ATIC: variants seen among roughly 807,000 people sequenced by gnomAD.
ATIC encodes the protein bifunctional purine biosynthesis protein ATIC.
In ATIC, 64 loss-of-function variants were observed where a neutral mutation model predicts 72.5. That is an observed-to-expected ratio of 0.88 (90% CI 0.72 to 1.09). ATIC has a LOEUF of 1.09. ATIC is among the 50% of genes least tolerant of loss of function. The pLI is 0.00. For missense variants in ATIC, 787 were observed against 732.4 expected (o/e 1.07, Z -0.86); for synonymous variants, 281 against 267.1 (o/e 1.05, Z -0.51).
chr2:215,358,401 G>T, the ATIC span, among the ~76,000 whole-genome samples: 1 of 151,724 alleles, frequency 6.6e-6, no homozygotes, highest in South Asian at 2.1e-4. Context: ...AACAATTCTC[G>T]GGGGAAGCAA....
chr2:215,337,084 CTT>C lies in ATIC; in HGVS notation c.1098+974_1098+975del, dbSNP rs11285874. Among the ~76,000 whole-genome samples the C allele has an allele frequency of 9.8e-3, 1,356 of 138,532 alleles. 18 individuals are homozygous for C. Among genetic ancestry groups the C allele is most frequent in the African/African-American group, 0.026 (986 of 37,856 alleles). The allele number at this position is 138,532 out of a possible 152,430, so 90.9% of individuals were successfully genotyped here. On this transcript the variant is annotated intron_variant, in intron 11 of 15. Coordinates refer to ENST00000236959, the MANE Select transcript of ATIC (RefSeq NM_004044.7). ...GATTTTTCTACTAAGTTGTTGTTGG[CTT>C]TTTTTTTTTTTTTAACTGATTTTTA...
chr2:215,315,293 A>C (rs1301502697), intron 2 of ATIC, among the ~76,000 whole-genome samples: 3 of 152,216 alleles, frequency 2.0e-5, no homozygotes, highest in Non-Finnish European at 4.4e-5. Context: ...CCTGGGGAAG[A>C]GAAATTCTCA....
intron 10 of ATIC, 55 bp downstream of exon 10, chr2:215,335,059 C>A: frequency 3.8e-6 from 5 of 1,301,948 alleles, no homozygotes; most frequent in South Asian, 3.7e-5. Flanking sequence ...TTTATTTGTT[C>A]ATAATGTTAA....
rs1472727035 is a variant in ATIC, at chr2:215,334,839, A to G, written c.923-80A>G. The G allele has an allele frequency of 4.4e-6, 5 of 1,143,902 alleles. No homozygotes were observed. The African/African-American group carries it at 6.1e-5, about 14-fold the overall frequency. 70.9% of individuals were successfully genotyped at this position (1,143,902 alleles called of 1,614,324 possible). A position where few individuals can be genotyped will look rare whatever the true frequency, so the allele number is the denominator to read the frequency against. ...GATTAGCTTTAGAGTAATGAATTTTATATGACAGTGGAGAATTTTATTACT... is the reference window on the plus strand; with the variant it reads ...GATTAGCTTTAGAGTAATGAATTTTGTATGACAGTGGAGAATTTTATTACT... On this transcript the variant is annotated intron_variant, in intron 9 of 15. Coordinates refer to ENST00000236959, the MANE Select transcript of ATIC (RefSeq NM_004044.7).
chr2:215,315,147 C>T (rs1203669019), intron 2 of ATIC, among the ~76,000 whole-genome samples: 1 of 152,148 alleles, frequency 6.6e-6, no homozygotes, highest in Non-Finnish European at 1.5e-5. Flanking sequence ...GATCTCCTGA[C>T]CTACTAATGG....
In ATIC at chr2:215,312,505, T is replaced by C. The variant is rs374408961; in HGVS notation, c.27T>C (p.Phe9=). 1 of 1,614,066 alleles carries C rather than the reference T, an allele frequency of 6.2e-7. No homozygotes were observed. The highest frequency in any genetic ancestry group is 1.3e-5 in the African/African-American group (1 of 74,940). Residue 9 remains phenylalanine (F), a synonymous_variant, in exon 2 of 16, where the codon TTT becomes TTC. Coordinates refer to ENST00000236959, the MANE Select transcript of ATIC (RefSeq NM_004044.7). ...AAATGTCTTCTCTTTCAGCCTTATT[T>C]AGTGTCTCTGACAAAACCGGCCTTG... MAPGQLAL[F]SVSDKTGLVE... is the part of the protein sequence containing the mutation.
At chr2:215,344,154 T>G (rs1019608837) in intron 12 of ATIC, among the ~76,000 whole-genome samples, 10 of 152,202 alleles carry the variant, frequency 6.6e-5, no homozygotes, top group African/African-American at 2.4e-4. Context: ...AAGAAAATAT[T>G]GTTTGTCAGT....
intron 2 of ATIC, among the ~76,000 whole-genome samples, chr2:215,316,912 C>G (rs1401026977): frequency 6.6e-6 from 1 of 151,884 alleles, no homozygotes; most frequent in Non-Finnish European, 1.5e-5. Context: ...ATAGGCATGC[C>G]CCACCATGCC....
Position 215,349,744 on chromosome 2 carries a change from CAG to C in ATIC, c.*90_*91del, listed in dbSNP as rs1231825276. 10 of 1,601,368 alleles carry C rather than the reference CAG, an allele frequency of 6.2e-6. No individual in the cohort carries two copies. In the African/African-American group the frequency reaches 8.0e-5, roughly 13 times the overall value. ...AGGATAACTTTTTAAAAAAATAAAACAGTATCTCTTAATCACTGGATCCATAG... is the reference window on the plus strand; with the variant it reads ...AGGATAACTTTTTAAAAAAATAAAACTATCTCTTAATCACTGGATCCATAG... On this transcript the variant is annotated 3_prime_UTR_variant, in exon 16 of 16. Transcript: ENST00000236959.
rs950215711 is a variant in ATIC, at chr2:215,312,083, C to G, written c.-60C>G. ...CGCCACATCCCGGCAGCCCTCCTAC[C>G]TGCGCACGTGGTGCCGCCGCTGCTG... On this transcript the variant is annotated 5_prime_UTR_variant, in exon 1 of 16. Transcript: ENST00000236959. The G allele has an allele frequency of 2.0e-6, 3 of 1,529,984 alleles. No homozygotes were observed. Among genetic ancestry groups the G allele is most frequent in the Non-Finnish European group, 1.7e-6 (2 of 1,144,520 alleles). 94.8% of individuals were successfully genotyped at this position (1,529,984 alleles called of 1,614,324 possible).
Position 215,319,705 on chromosome 2 carries a change from G to A in ATIC, c.264G>A (p.Met88Ile), listed in dbSNP as rs1456781238. 1.2e-5 allele frequency: 20 copies of A among 1,612,204 alleles called. 1 individual carries two copies. In the East Asian group the frequency reaches 4.5e-4, roughly 36 times the overall value. ...ATATTCCAGAAGATAATGCTGACAT[G>A]GCCAGACTTGATTTCAATCTTATAA... Reference protein sequence around the residue: ...ARNIPEDNADMARLDFNLIRV... With the variant: ...ARNIPEDNADIARLDFNLIRV... The change falls in exon 4 of 16, where the codon ATG becomes ATA. Residue 88 changes from methionine (M) to isoleucine (I), a missense_variant. Physicochemically the swap from Met to Ile is conservative, Grantham distance 10. Transcript: ENST00000236959.
intron 15 of ATIC, 73 bp downstream of exon 15, chr2:215,349,322 G>T: frequency 6.2e-7 from 1 of 1,606,380 alleles, no homozygotes; most frequent in Non-Finnish European, 8.5e-7. Context: ...TCCTGCTTTT[G>T]ATTTTTAAAA....
the ATIC span, among the ~76,000 whole-genome samples, chr2:215,358,156 A>G: frequency 2.0e-5 from 3 of 152,226 alleles, no homozygotes; most frequent in East Asian, 5.8e-4. Context: ...TGATGTTATT[A>G]TACAGACTTA....
chr2:215,350,442 T>C (rs944073449), downstream of ATIC, among the ~76,000 whole-genome samples: 21 of 152,290 alleles, frequency 1.4e-4, no homozygotes, highest in Admixed American at 2.0e-4. Flanking sequence ...CCTCATGCCA[T>C]TTATTTTTAA....
chr2:215,320,250 A>G (rs1407152774), intron 4 of ATIC, among the ~76,000 whole-genome samples: 1 of 152,230 alleles, frequency 6.6e-6, no homozygotes, highest in East Asian at 1.9e-4. Context: ...TTGAGATCTA[A>G]TCCACATACC....
intron 12 of ATIC, among the ~76,000 whole-genome samples, chr2:215,343,897 T>G (rs1382070415): frequency 6.6e-6 from 1 of 152,250 alleles, no homozygotes; most frequent in Non-Finnish European, 1.5e-5. Flanking sequence ...TGCCTGATAC[T>G]AAAGATAGTG....
At chr2:215,333,260 A>G in intron 8 of ATIC, 90 bp from the exon 9 acceptor site, 1 of 1,050,904 alleles carries the variant, frequency 9.5e-7, no homozygotes, top group Non-Finnish European at 1.5e-6. Context: ...TGCTGCGTAG[A>G]CTGGGTGTTA....
chr2:215,325,215 C>T (rs1172009429), intron 4 of ATIC, 26 bp from the exon 5 acceptor site: 3 of 1,582,252 alleles, frequency 1.9e-6, no homozygotes, highest in South Asian at 1.1e-5. Context: ...TTTTTAATGA[C>T]AGCCAGATTC....
chr2:215,361,833 AGT>A, the ATIC span: 209 of 1,219,128 alleles, frequency 1.7e-4, no homozygotes, highest in Admixed American at 4.1e-4. Context: ...TATGGAATAC[AGT>A]GTTTCACTTA....
Sources: allele counts gnomAD v4.1 joint callset (sites outside exome capture counted in the v4.1 genomes callset), GRCh38; gene constraint gnomAD v4.1.1; transcripts MANE v1.5; gene names NCBI Gene and HGNC (gene_info 2026-07-23, HGNC 2026-07-21).